Variants in COQ2 observed in about 807,000 individuals in gnomAD.
The protein encoded by COQ2 is 4-hydroxybenzoate polyprenyltransferase, mitochondrial.
COQ2 carries 25 observed loss-of-function variants against 35.7 expected under a neutral mutation model. The ratio of observed to expected loss-of-function variants is 0.70; its 90% CI spans 0.51 to 0.98. The LOEUF (loss-of-function observed/expected upper bound fraction) is 0.98, where lower values mean the gene tolerates loss of function less well. Among genes scored for constraint, COQ2 ranks in the 50% least tolerant of loss-of-function variants. COQ2 has a pLI of 0.00. For missense variants in COQ2, 488 were observed against 473.5 expected, an observed-to-expected ratio of 1.03 and a Z score of -0.28; for synonymous variants, 206 against 186.2, an observed-to-expected ratio of 1.11 and a Z score of -0.86.
chr4:83,284,564 C>T lies in COQ2; in HGVS notation c.201G>A (p.Ala67=), dbSNP rs1458487874. The change falls in exon 1 of 7, where the codon GCG becomes GCA. Residue 67 remains alanine (A), a synonymous_variant. Transcript: ENST00000647002. ...SLSAAAVVDS[A]PRPLQPYLRL... ...GCAAGTACGGCTGCAGGGGGCGGGGCGCAGAGTCCACCACCGCCGCCGCGG... is the reference window on the plus strand; with the variant it reads ...GCAAGTACGGCTGCAGGGGGCGGGGTGCAGAGTCCACCACCGCCGCCGCGG... 1.9e-6 allele frequency: 3 copies of T among 1,566,174 alleles called. No homozygotes were observed. The highest frequency in any genetic ancestry group is 3.7e-5 in the Admixed American group (2 of 53,566).
intron 2 of COQ2, among the ~76,000 whole-genome samples, chr4:83,274,110 T>G (rs1401747405): frequency 1.3e-5 from 2 of 151,884 alleles, no homozygotes; most frequent in Non-Finnish European, 2.9e-5. Context: ...GAGTCATGAT[T>G]GCACCAAGCT....
chr4:83,274,383 C>T (rs1015300443), intron 2 of COQ2, among the ~76,000 whole-genome samples: 2 of 152,090 alleles, frequency 1.3e-5, no homozygotes, highest in Non-Finnish European at 2.9e-5. Context: ...TTAGTAAAGA[C>T]AAGGTTTTAC....
At chr4:83,270,214 A>G (rs1408478679) in intron 4 of COQ2, among the ~76,000 whole-genome samples, 1 of 152,034 alleles carries the variant, frequency 6.6e-6, no homozygotes, top group African/African-American at 2.4e-5. Context: ...TTAACAACTA[A>G]AGTAACAGAG....
Position 83,284,391 on chromosome 4 carries a change from G to C in COQ2, c.253+121C>G, listed in dbSNP as rs140815728. The C allele has an allele frequency of 5.0e-4, 716 of 1,421,182 alleles. 7 individuals carry two copies. The East Asian group carries it at 0.02, about 39-fold the overall frequency. 88.0% of individuals were successfully genotyped at this position (1,421,182 alleles called of 1,614,324 possible). A position where few individuals can be genotyped will look rare whatever the true frequency, so the allele number is the denominator to read the frequency against. On this transcript the variant is annotated intron_variant, in intron 1 of 6. Transcript: ENST00000647002. ...AGGGCGCACGGCACCCGGCAGCCAAGCCCAAGCTTTCAGGTTCTCATTTCC... is the reference window on the plus strand; with the variant it reads ...AGGGCGCACGGCACCCGGCAGCCAACCCCAAGCTTTCAGGTTCTCATTTCC...
chr4:83,271,707 A>G (rs1180352503), intron 4 of COQ2, among the ~76,000 whole-genome samples: 5 of 151,982 alleles, frequency 3.3e-5, no homozygotes, highest in African/African-American at 1.2e-4. Context: ...TAGCTACTCA[A>G]GAGGCTGAGG....
Position 83,264,073 on chromosome 4 carries a change from G to T in COQ2, c.*126C>A. On this transcript the variant is annotated 3_prime_UTR_variant, in exon 7 of 7. Coordinates refer to ENST00000647002, the MANE Select transcript of COQ2 (RefSeq NM_001358921.2). ...TTGCTAGCAAATAAGTAAAATCCAG[G>T]TAAATATGCTCTAAATCTTCATCTT... The T allele has an allele frequency of 3.1e-6, 2 of 654,698 alleles. No homozygotes were observed. The highest frequency in any genetic ancestry group is 2.4e-6 in the Non-Finnish European group (1 of 417,524). The allele number at this position is 654,698 out of a possible 1,614,324, so 40.6% of individuals were successfully genotyped here.
At chr4:83,273,767 A>AT in intron 2 of COQ2, 150 bp from the exon 3 acceptor site, 1 of 774,996 alleles carries the variant, frequency 1.3e-6, no homozygotes, top group Admixed American at 2.7e-5. Flanking sequence ...AAAACTTCAC[A>AT]TTTAAAATAG....
chr4:83,278,813 C>A, intron 2 of COQ2, 135 bp downstream of exon 2: 1 of 1,016,286 alleles, frequency 9.8e-7, no homozygotes. Context: ...TTCAACTGAT[C>A]CTGGCATTTT....
intron 1 of COQ2, chr4:83,284,298 A>ACGGCAGC (rs1322084100): frequency 1.8e-5 from 18 of 985,224 alleles, no homozygotes; most frequent in Admixed American, 1.2e-4. Flanking sequence ...CCCAGGGCGC[A>ACGGCAGC]CGGCAGCCGG....
At chr4:83,269,743 G>A (rs1226493855) in intron 5 of COQ2, 117 bp downstream of exon 5, 9 of 921,478 alleles carry the variant, frequency 9.8e-6, no homozygotes, top group Admixed American at 8.0e-5. Flanking sequence ...CCTTAATTTG[G>A]TTCTTAAAGT....
intron 1 of COQ2, chr4:83,282,389 G>A (rs937682824): frequency 1.3e-5 from 2 of 152,210 alleles, no homozygotes; most frequent in African/African-American, 4.8e-5. Context: ...CACAAAATAA[G>A]AATTTAAATA....
intron 4 of COQ2, among the ~76,000 whole-genome samples, chr4:83,270,741 G>T (rs536416465): frequency 9.9e-5 from 15 of 152,232 alleles, no homozygotes; most frequent in African/African-American, 2.9e-4. Context: ...GTACTGCAAT[G>T]ACCTGTTTAT....
chr4:83,270,681 G>A (rs1735028374), intron 4 of COQ2, among the ~76,000 whole-genome samples: 1 of 149,140 alleles, frequency 6.7e-6, no homozygotes, highest in South Asian at 2.1e-4. Flanking sequence ...CTCCTTAACT[G>A]ATGAAGTGCC....
At chr4:83,264,812 C>CT (rs1287064361) in intron 6 of COQ2, among the ~76,000 whole-genome samples, 1 of 152,186 alleles carries the variant, frequency 6.6e-6, no homozygotes, top group African/African-American at 2.4e-5. Context: ...GATCTAAAGT[C>CT]TGTCTCCCTG....
chr4:83,279,111 G>A lies in COQ2; in HGVS notation c.257C>T (p.Thr86Ile). ...GGTACATGGTAAATACAGAAGCCAGGTTCCTAAGCAAAAATAAAAAGACAA... is the reference window on the plus strand; with the variant it reads ...GGTACATGGTAAATACAGAAGCCAGATTCCTAAGCAAAAATAAAAAGACAA... ...RLMRLDKPIG[T>I]WLLYLPCTWS... Residue 86 changes from threonine to isoleucine, a missense_variant, in exon 2 of 7, where the codon ACC becomes ATC. By Grantham distance (89) the Thr-to-Ile change is moderately conservative. Coordinates refer to ENST00000647002, the MANE Select transcript of COQ2 (RefSeq NM_001358921.2). The A allele has an allele frequency of 6.5e-7, 1 of 1,547,262 alleles. No individual in the cohort carries two copies. The highest frequency in any genetic ancestry group is 8.7e-7 in the Non-Finnish European group (1 of 1,151,540).
At chr4:83,275,616 T>C (rs75527090) in intron 2 of COQ2, among the ~76,000 whole-genome samples, 3,520 of 152,210 alleles carry the variant, frequency 0.023, 140 homozygotes, top group African/African-American at 0.079. Flanking sequence ...AATCTCCAGG[T>C]GTTTTAGACA....
At chr4:83,277,711 T>C (rs1735214297) in intron 2 of COQ2, among the ~76,000 whole-genome samples, 1 of 152,208 alleles carries the variant, frequency 6.6e-6, no homozygotes, top group African/African-American at 2.4e-5. Context: ...GGCTCATGCC[T>C]GTAATCCCAG....
intron 1 of COQ2, among the ~76,000 whole-genome samples, chr4:83,282,090 A>C (rs1735339264): frequency 1.3e-5 from 2 of 152,108 alleles, no homozygotes; most frequent in Non-Finnish European, 2.9e-5. Flanking sequence ...AAAGGGAAAA[A>C]CTCTATGGGA....
intron 3 of COQ2, among the ~76,000 whole-genome samples, chr4:83,272,825 C>T (rs2126173364): frequency 6.6e-6 from 1 of 152,290 alleles, no homozygotes; most frequent in East Asian, 1.9e-4. Context: ...ATAAGACGTT[C>T]TTAGGACCTC....
Sources: allele counts gnomAD v4.1 joint callset (sites outside exome capture counted in the v4.1 genomes callset), GRCh38; gene constraint gnomAD v4.1.1; transcripts MANE v1.5; gene names NCBI Gene and HGNC (gene_info 2026-07-23, HGNC 2026-07-21).